Variants in HDGFL3 observed in about 807,000 individuals in gnomAD.
HDGFL3 encodes HDGF like 3, also known as hepatoma-derived growth factor-related protein 3.
HDGFL3 carries 6 observed loss-of-function variants against 27.6 expected under a neutral mutation model. The observed-to-expected ratio is 0.22, with a 90% CI of 0.12 to 0.43. HDGFL3 has a LOEUF of 0.43. Among genes scored for constraint, HDGFL3 ranks in the 20% least tolerant of loss-of-function variants. The pLI is 1.00. For synonymous variants in HDGFL3, 88 were observed against 88.9 expected (o/e 0.99, Z 0.05); for missense variants, 207 against 250.1 (o/e 0.83, Z 1.16).
rs869303457 is a variant in HDGFL3 at position 83,164,367 on chromosome 15, C to CAA, written c.85-294_85-293dup. The stretch of plus-strand genomic sequence containing the variant: ...TGTCCTAGTGAAAAATTAGAGTAAC[C>CAA]AAAAAAAAAAAAAAAAAAAAAAAAA... On this transcript the variant is annotated intron_variant, in intron 1 of 5. Coordinates refer to ENST00000299633, the MANE Select transcript of HDGFL3 (RefSeq NM_016073.4). Among the ~76,000 whole-genome samples, 91 of 38,392 alleles carry CAA rather than the reference C, an allele frequency of 2.4e-3. 4 individuals carry two copies. The highest frequency in any genetic ancestry group is 0.011 in the East Asian group (12 of 1,116). The allele number at this position is 38,392 out of a possible 152,430, so 25.2% of individuals were successfully genotyped here.
At chr15:83,191,549 C>G (rs1375223721) in intron 1 of HDGFL3, among the ~76,000 whole-genome samples, 2 of 152,096 alleles carry the variant, frequency 1.3e-5, no homozygotes, top group African/African-American at 2.4e-5. Flanking sequence ...CTGTTTGTCC[C>G]AATTTTTTAT....
At chr15:83,157,676 C>G in intron 3 of HDGFL3, 103 bp from the exon 4 acceptor site, 2 of 1,197,194 alleles carry the variant, frequency 1.7e-6, no homozygotes, top group Non-Finnish European at 2.3e-6. Context: ...GTTCCGCTTA[C>G]TCGGAAGATT....
rs1373526970 is a variant in HDGFL3, at chr15:83,136,762, G to T, written c.*2508C>A. 9.3e-7 allele frequency: 1 copy of T among 1,080,994 alleles called. No individual in the cohort carries two copies. Among genetic ancestry groups the T allele is most frequent in the Non-Finnish European group, 1.3e-6 (1 of 746,870 alleles). The allele number at this position is 1,080,994 out of a possible 1,614,324, so 67.0% of individuals were successfully genotyped here. A position where few individuals can be genotyped will look rare whatever the true frequency, so the allele number is the denominator to read the frequency against. ...GTCCCATTTCACTCTCTTCTCATAC[G>T]TGAGTACTTAAGAATATGTACATTC... On this transcript the variant is annotated 3_prime_UTR_variant, in exon 6 of 6. Coordinates refer to ENST00000299633, the MANE Select transcript of HDGFL3 (RefSeq NM_016073.4).
At position 83,207,683 on chromosome 15, in the gene HDGFL3, C is replaced by CCGG. The variant is rs997627494; in HGVS notation, c.-270_-269insCCG. The CCGG allele has an allele frequency of 1.0e-4, 9 of 86,220 alleles. No individual in the cohort carries two copies. The allele number at this position is 86,220 out of a possible 1,614,324, so 5.3% of individuals were successfully genotyped here. On this transcript the variant is annotated 5_prime_UTR_variant, in exon 1 of 6. Transcript: ENST00000299633. The surrounding 1 kb of genome is among the most constrained non-coding windows in gnomAD (Gnocchi z 4.8). The stretch of plus-strand genomic sequence containing the variant: ...CCCGCGTCCGGCCGCGCCAAGGTCC[C>CCGG]CGCCGCCGCCGCCGCCGCCGCCGCG...
chr15:83,181,610 G>A (rs2037382463), intron 1 of HDGFL3, among the ~76,000 whole-genome samples: 1 of 152,040 alleles, frequency 6.6e-6, no homozygotes, highest in Non-Finnish European at 1.5e-5. Context: ...CGAGTAGCTG[G>A]GATTACAGAC....
At chr15:83,150,734 C>T (rs183994408) in intron 5 of HDGFL3, among the ~76,000 whole-genome samples, 85 of 152,242 alleles carry the variant, frequency 5.6e-4, no homozygotes, top group African/African-American at 2.0e-3. Flanking sequence ...TCATCATAGA[C>T]AAATTTGTCC....
At chr15:83,190,087 T>C (rs547080815) in intron 1 of HDGFL3, among the ~76,000 whole-genome samples, 4 of 152,016 alleles carry the variant, frequency 2.6e-5, no homozygotes, top group African/African-American at 4.8e-5. Context: ...TGTGTGCCTG[T>C]AGTCCTAGCT....
chr15:83,207,304 G>T lies in HDGFL3; in HGVS notation c.84+27C>A. The T allele has an allele frequency of 7.5e-7, 1 of 1,324,998 alleles. No homozygotes were observed. The allele number at this position is 1,324,998 out of a possible 1,614,324, so 82.1% of individuals were successfully genotyped here. The stretch of plus-strand genomic sequence containing the variant: ...ATGAAGGGGAAAATGGTGGGCGGGC[G>T]GGCCCGCGCGCGGCCGCGGTACTCA... On this transcript the variant is annotated intron_variant, in intron 1 of 5. Coordinates refer to ENST00000299633, the MANE Select transcript of HDGFL3 (RefSeq NM_016073.4). The surrounding 1 kb of genome is among the most constrained non-coding windows in gnomAD (Gnocchi z 4.8).
At chr15:83,144,506 G>C (rs1179846020) in intron 5 of HDGFL3, 3 of 455,890 alleles carry the variant, frequency 6.6e-6, no homozygotes, top group East Asian at 1.4e-4. Context: ...ACACTTTACT[G>C]CTTACTCTGA....
At chr15:83,127,322 A>G (rs757323438), downstream of HDGFL3, 80 of 1,539,924 alleles carry the variant, frequency 5.2e-5, no homozygotes, top group Non-Finnish European at 6.9e-5. Context: ...GTTAACTGCC[A>G]ATTTGCTGAT....
chr15:83,162,317 A>T (rs2037112123), intron 2 of HDGFL3, among the ~76,000 whole-genome samples: 1 of 152,178 alleles, frequency 6.6e-6, no homozygotes, highest in Non-Finnish European at 1.5e-5. Flanking sequence ...AATCAATGTT[A>T]TGACAGGTTT....
Position 83,131,976 on chromosome 15 carries a change from G to A in HDGFL3, c.*7294C>T, listed in dbSNP as rs986783705. 6.6e-6 allele frequency: 1 copy of A among 152,200 alleles called. No individual in the cohort carries two copies. The highest frequency in any genetic ancestry group is 1.5e-5 in the Non-Finnish European group (1 of 68,050). 9.4% of individuals were successfully genotyped at this position (152,200 alleles called of 1,614,324 possible). A position where few individuals can be genotyped will look rare whatever the true frequency, so the allele number is the denominator to read the frequency against. The stretch of plus-strand genomic sequence containing the variant: ...AAATGAAAAAAAGCCAAAGCCAGTA[G>A]AGTTCATATAGTTAGGAACATAAGC... On this transcript the variant is annotated 3_prime_UTR_variant, in exon 6 of 6. Coordinates refer to ENST00000299633, the MANE Select transcript of HDGFL3 (RefSeq NM_016073.4).
chr15:83,127,817 T>C lies in HDGFL3; in HGVS notation c.*11453A>G. On this transcript the variant is annotated 3_prime_UTR_variant, in exon 6 of 6. Coordinates refer to ENST00000299633, the MANE Select transcript of HDGFL3 (RefSeq NM_016073.4). The stretch of plus-strand genomic sequence containing the variant: ...GAATACCATGGCTACTAAAAAAGGA[T>C]TGAGAGCTGTCACCTTCAAAATGTC... 3 of 269,788 alleles carry C rather than the reference T, an allele frequency of 1.1e-5. No individual in the cohort carries two copies. In the South Asian group the frequency reaches 1.1e-4, roughly 10 times the overall value. 16.7% of individuals were successfully genotyped at this position (269,788 alleles called of 1,614,324 possible). A position where few individuals can be genotyped will look rare whatever the true frequency, so the allele number is the denominator to read the frequency against.
At chr15:83,172,390 GCA>G (rs1263682856) in intron 1 of HDGFL3, among the ~76,000 whole-genome samples, 1 of 152,084 alleles carries the variant, frequency 6.6e-6, no homozygotes, top group East Asian at 1.9e-4. Flanking sequence ...CTCACCTCCT[GCA>G]CAGTTGAAAA....
chr15:83,116,674 G>A (rs2151346858), intron 3 of HDGFL3, among the ~76,000 whole-genome samples: 1 of 152,326 alleles, frequency 6.6e-6, no homozygotes, highest in East Asian at 1.9e-4. Flanking sequence ...CATGAGCTGG[G>A]GCACCAGTCA....
At chr15:83,193,371 A>T (rs1175591330) in intron 1 of HDGFL3, among the ~76,000 whole-genome samples, 1 of 152,208 alleles carries the variant, frequency 6.6e-6, no homozygotes, top group Non-Finnish European at 1.5e-5. Context: ...TGCAAGTCAA[A>T]ACCATAAGAT....
intron 3 of HDGFL3, 45 bp downstream of exon 3, chr15:83,157,858 C>T: frequency 6.4e-7 from 1 of 1,572,874 alleles, no homozygotes; most frequent in Admixed American, 1.8e-5. Context: ...AGCGTTAAAA[C>T]CAAAGAAATG....
chr15:83,153,674 C>T (rs2036991801), intron 4 of HDGFL3, among the ~76,000 whole-genome samples: 1 of 152,058 alleles, frequency 6.6e-6, no homozygotes, highest in Non-Finnish European at 1.5e-5. Flanking sequence ...GGTTTATCAA[C>T]ATCAGTTTAG....
At position 83,139,304 on chromosome 15, in the gene HDGFL3, A is replaced by G. The variant is rs73455429; in HGVS notation, c.607-29T>C. ...TAAAAAAAAAAAAAAGAAAGAAAAC[A>G]AGCCTTTAGATGATTTAGGATACTA... On this transcript the variant is annotated intron_variant, in intron 5 of 5. Transcript: ENST00000299633. 6.6e-6 allele frequency: 9 copies of G among 1,372,594 alleles called. No individual in the cohort carries two copies. In the African/African-American group the frequency reaches 1.3e-4, roughly 21 times the overall value. 85.0% of individuals were successfully genotyped at this position (1,372,594 alleles called of 1,614,324 possible). A position where few individuals can be genotyped will look rare whatever the true frequency, so the allele number is the denominator to read the frequency against.
Sources: allele counts gnomAD v4.1 joint callset (sites outside exome capture counted in the v4.1 genomes callset), GRCh38; gene constraint gnomAD v4.1.1; non-coding constraint Gnocchi (gnomAD v3.1); transcripts MANE v1.5; gene names NCBI Gene and HGNC (gene_info 2026-07-23, HGNC 2026-07-21).